DLG1: variants seen among roughly 807,000 people sequenced by gnomAD.
DLG1 encodes disks large homolog 1.
Under a neutral mutation model 123.4 loss-of-function variants are expected in DLG1, and 42 were observed. The ratio of observed to expected loss-of-function variants is 0.34; its 90% confidence interval spans 0.27 to 0.44. DLG1 has a LOEUF of 0.44. Ranked by LOEUF, DLG1 falls within the 20% of genes least tolerant of loss-of-function variation. The probability of loss-of-function intolerance (pLI) is 1.00; values close to 1 mark genes in which losing one functional copy is unlikely to be tolerated. For missense variants in DLG1, 942 were observed against 1,082.6 expected (o/e 0.87, Z 1.82); for synonymous variants, 317 against 356.2 (o/e 0.89, Z 1.24).
At chr3:197,047,048 C>T (rs1327130735) in intron 24 of DLG1, among the ~76,000 whole-genome samples, 7 of 152,126 alleles carry the variant, frequency 4.6e-5, no homozygotes, top group Non-Finnish European at 4.4e-5. Context: ...CAATACAGCA[C>T]GTGAGCCTCC....
intron 15 of DLG1, among the ~76,000 whole-genome samples, chr3:197,087,530 G>A (rs1755137930): frequency 6.6e-6 from 1 of 151,984 alleles, no homozygotes; most frequent in South Asian, 2.1e-4. Flanking sequence ...GAACCATGAG[G>A]CTTCTGATTA....
At chr3:197,132,333 C>G (rs1306091936) in intron 10 of DLG1, among the ~76,000 whole-genome samples, 1 of 151,388 alleles carries the variant, frequency 6.6e-6, no homozygotes, top group African/African-American at 2.4e-5. Context: ...ATCAATGTTT[C>G]CGTTTTAAAT....
chr3:197,290,719 A>G (rs1353797128), intron 3 of DLG1, among the ~76,000 whole-genome samples: 1 of 152,050 alleles, frequency 6.6e-6, no homozygotes, highest in African/African-American at 2.4e-5. Flanking sequence ...GTTCGAGACC[A>G]GCCTGGGCAA....
chr3:197,265,961 A>T (rs1364065205), intron 4 of DLG1, among the ~76,000 whole-genome samples: 1 of 152,166 alleles, frequency 6.6e-6, no homozygotes, highest in Non-Finnish European at 1.5e-5. Flanking sequence ...GAGGTAGGAG[A>T]ATCACTTGAA....
chr3:197,188,296 A>G (rs1442656269), intron 5 of DLG1, among the ~76,000 whole-genome samples: 1 of 152,048 alleles, frequency 6.6e-6, no homozygotes, highest in Non-Finnish European at 1.5e-5. Context: ...ATCCTTCAAC[A>G]CTTTATGCAA....
chr3:197,115,389 C>A, intron 13 of DLG1, among the ~76,000 whole-genome samples: 1 of 151,252 alleles, frequency 6.6e-6, no homozygotes. Context: ...AAAAATCAGC[C>A]ACATTAATAG....
In DLG1 at chr3:197,202,216, A is replaced by G. The variant is rs147113902; in HGVS notation, c.319-7627T>C. On this transcript the variant is annotated intron_variant, in intron 4 of 24. Coordinates refer to ENST00000667157, the MANE Select transcript of DLG1 (RefSeq NM_001366207.1). ...AATTACAAAACGAGTGATAACAATAAATGTAACTGTATTATATCTGCATTT... is the reference window on the plus strand; with the variant it reads ...AATTACAAAACGAGTGATAACAATAGATGTAACTGTATTATATCTGCATTT... 4.5e-3 allele frequency among the ~76,000 whole-genome samples: 692 copies of G among 152,336 alleles called. 6 individuals are homozygous for G. Among genetic ancestry groups the G allele is most frequent in the African/African-American group, 0.016 (661 of 41,568 alleles).
intron 4 of DLG1, among the ~76,000 whole-genome samples, chr3:197,259,872 T>C (rs537787324): frequency 3.3e-5 from 5 of 152,314 alleles, no homozygotes; most frequent in African/African-American, 4.8e-5. Context: ...ATAATTATAA[T>C]AGATGGAAGA....
intron 5 of DLG1, among the ~76,000 whole-genome samples, chr3:197,190,896 G>A (rs1719046004): frequency 6.6e-6 from 1 of 152,144 alleles, no homozygotes; most frequent in African/African-American, 2.4e-5. Flanking sequence ...TGTAGTCCCA[G>A]CTACTCGGGA....
In DLG1 at chr3:197,104,346, T is replaced by A. The variant is rs1011990170; in HGVS notation, c.1546+557A>T. ...GTTAAATTAACCCACATAATGGGGG[T>A]TTTGTGGGTTAAGCTTGTGGATGCC... On this transcript the variant is annotated intron_variant, in intron 14 of 24. Transcript: ENST00000667157. Among the ~76,000 whole-genome samples the A allele has an allele frequency of 2.0e-5, 3 of 151,376 alleles. No homozygotes were observed. The East Asian group carries it at 5.8e-4, about 29-fold the overall frequency.
chr3:197,230,161 G>A (rs447337), intron 4 of DLG1, among the ~76,000 whole-genome samples: 85,484 of 151,896 alleles, frequency 0.56, 24,590 homozygotes, highest in East Asian at 0.79. Flanking sequence ...ATTTTTCTCA[G>A]TACTGTATAA....
intron 5 of DLG1, among the ~76,000 whole-genome samples, chr3:197,164,845 C>T (rs1800596796): frequency 6.6e-6 from 1 of 151,556 alleles, no homozygotes; most frequent in African/African-American, 2.4e-5. Flanking sequence ...CTGCTTGAAC[C>T]CAGCAGGTGG....
At chr3:197,184,112 C>G in intron 5 of DLG1, 1 of 1,135,796 alleles carries the variant, frequency 8.8e-7, no homozygotes, top group Non-Finnish European at 1.1e-6. Flanking sequence ...GAACCAAAAG[C>G]TGTTCTTTTG....
intron 13 of DLG1, among the ~76,000 whole-genome samples, chr3:197,105,838 TAAG>T (rs1004318371): frequency 2.6e-5 from 4 of 152,152 alleles, no homozygotes; most frequent in Non-Finnish European, 5.9e-5. Context: ...TAAAAAAAAT[TAAG>T]AAGCAACAAT....
intron 11 of DLG1, among the ~76,000 whole-genome samples, chr3:197,120,425 T>C (rs572373315): frequency 1.3e-5 from 2 of 152,318 alleles, no homozygotes; most frequent in East Asian, 3.9e-4. Context: ...AGGTAACACA[T>C]GGCAGCTGTA....
chr3:197,052,087 C>T (rs1728203020), intron 23 of DLG1, among the ~76,000 whole-genome samples: 1 of 152,056 alleles, frequency 6.6e-6, no homozygotes, highest in Non-Finnish European at 1.5e-5. Context: ...GTAATCTGCT[C>T]GCCTTGGCCT....
chr3:197,271,744 T>C (rs535331104), intron 4 of DLG1, among the ~76,000 whole-genome samples: 36 of 152,298 alleles, frequency 2.4e-4, no homozygotes, highest in Non-Finnish European at 4.7e-4. Flanking sequence ...GGTACTAAGA[T>C]AACACAGAAG....
chr3:197,162,706 A>T (rs1799296268), intron 5 of DLG1, among the ~76,000 whole-genome samples: 1 of 152,218 alleles, frequency 6.6e-6, no homozygotes, highest in Non-Finnish European at 1.5e-5. Flanking sequence ...ATTATATATA[A>T]AAATTAACTC....
chr3:197,203,538 C>CA (rs1726961899), intron 4 of DLG1, among the ~76,000 whole-genome samples: 1 of 151,710 alleles, frequency 6.6e-6, no homozygotes, highest in Admixed American at 6.6e-5. Flanking sequence ...AAAAAAAAAC[C>CA]ACTGCCAAAT....
Sources: allele counts gnomAD v4.1 joint callset (sites outside exome capture counted in the v4.1 genomes callset), GRCh38; gene constraint gnomAD v4.1.1; transcripts MANE v1.5; gene names NCBI Gene and HGNC (gene_info 2026-07-23, HGNC 2026-07-21).